The following TSNARE1 variants were observed in gnomAD, a reference collection of about 807,000 sequenced individuals.
The protein encoded by TSNARE1 is t-SNARE domain-containing protein 1.
In TSNARE1, 49 loss-of-function variants were observed where a neutral mutation model predicts 62.0. The ratio of observed to expected loss-of-function variants is 0.79; its 90% confidence interval spans 0.63 to 1.00. The LOEUF is 1.00. TSNARE1 is among the 50% of genes least tolerant of loss of function. The pLI is 0.00. For missense variants in TSNARE1, 755 were observed against 700.1 expected (o/e 1.08, Z -0.88); for synonymous variants, 328 against 294.4 (o/e 1.11, Z -1.17).
rs139766828 is a variant in TSNARE1 at position 142,243,634 on chromosome 8, G to T, written c.1447-14055C>A. Among the ~76,000 whole-genome samples the T allele has an allele frequency of 3.3e-4, 50 of 152,220 alleles. 1 individual carries two copies. Among genetic ancestry groups the T allele is most frequent in the African/African-American group, 8.9e-4 (37 of 41,536 alleles). ...GGAGGTGGGGAGATCTGGGTTAAAC[G>T]GTACAAGGTTTCAATCAGACAAGAG... On this transcript the variant is annotated intron_variant, in intron 12 of 13. Transcript: ENST00000524325.
rs1563756715 is a variant in TSNARE1, at chr8:142,223,105, C to CGT, written c.*11+6367_*11+6368insAC. Among the ~76,000 whole-genome samples, 61 of 136,882 alleles carry CGT rather than the reference C, an allele frequency of 4.5e-4. 1 individual carries two copies. Among genetic ancestry groups the CGT allele is most frequent in the African/African-American group, 1.7e-3 (57 of 33,898 alleles). 89.8% of individuals were successfully genotyped at this position (136,882 alleles called of 152,430 possible). On this transcript the variant is annotated intron_variant, in intron 13 of 13. Transcript: ENST00000524325. ...ATTCACTCATTCATCCACTCATTCA[C>CGT]TCACTCGTTCACTCATTCACTCATT...
intron 12 of TSNARE1, among the ~76,000 whole-genome samples, chr8:142,237,433 C>A (rs1271309069): frequency 6.6e-6 from 1 of 152,192 alleles, no homozygotes; most frequent in Non-Finnish European, 1.5e-5. Context: ...AGCCACAGGG[C>A]CTTTCATGGC....
At chr8:142,311,130 G>T (rs1281096332) in intron 9 of TSNARE1, among the ~76,000 whole-genome samples, 1 of 148,850 alleles carries the variant, frequency 6.7e-6, no homozygotes, top group Non-Finnish European at 1.5e-5. Context: ...GATTACAGGC[G>T]TGAGCCACTG....
intron 2 of TSNARE1, among the ~76,000 whole-genome samples, chr8:142,352,660 AAGC>A (rs1834255539): frequency 6.6e-6 from 1 of 152,272 alleles, no homozygotes; most frequent in African/African-American, 2.4e-5. Flanking sequence ...CGATGCGTAA[AAGC>A]AGCACGACAC....
At chr8:142,294,149 C>T (rs542600583) in intron 10 of TSNARE1, among the ~76,000 whole-genome samples, 2 of 152,022 alleles carry the variant, frequency 1.3e-5, no homozygotes, top group Admixed American at 1.3e-4. Flanking sequence ...TCAGAGGATG[C>T]AGAGTGGCCA....
At chr8:142,398,645 G>C (rs1288416807) in intron 1 of TSNARE1, among the ~76,000 whole-genome samples, 1 of 152,182 alleles carries the variant, frequency 6.6e-6, no homozygotes, top group African/African-American at 2.4e-5. Context: ...AGGACAGCCT[G>C]ATCCTGCTTG....
At chr8:142,254,213 G>A (rs1818317094) in intron 12 of TSNARE1, among the ~76,000 whole-genome samples, 1 of 152,190 alleles carries the variant, frequency 6.6e-6, no homozygotes, top group Non-Finnish European at 1.5e-5. Context: ...AGGAGGCAGG[G>A]TACAGCCAAC....
intron 12 of TSNARE1, among the ~76,000 whole-genome samples, chr8:142,237,954 T>C (rs1430595770): frequency 6.6e-6 from 1 of 152,066 alleles, no homozygotes; most frequent in Non-Finnish European, 1.5e-5. Context: ...TACCTCCCGT[T>C]TCCCTGCTGG....
At chr8:142,256,966 A>T (rs1818617878) in intron 12 of TSNARE1, among the ~76,000 whole-genome samples, 3 of 152,172 alleles carry the variant, frequency 2.0e-5, no homozygotes, top group Non-Finnish European at 4.4e-5. Context: ...GAGGGAAAAC[A>T]GGCTCATTTG....
chr8:142,213,547 G>A (rs7464819), intron 13 of TSNARE1, among the ~76,000 whole-genome samples: 52,035 of 152,048 alleles, frequency 0.34, 9,371 homozygotes, highest in East Asian at 0.57. Context: ...TTGCCTGGCC[G>A]TGGGCAGAGG....
intron 2 of TSNARE1, among the ~76,000 whole-genome samples, chr8:142,352,899 C>A (rs924792616): frequency 6.6e-6 from 1 of 152,190 alleles, no homozygotes; most frequent in Non-Finnish European, 1.5e-5. Context: ...TGTGTCTACA[C>A]CCCACGCACA....
chr8:142,229,903 C>T (rs549311980), intron 12 of TSNARE1, among the ~76,000 whole-genome samples: 1 of 152,146 alleles, frequency 6.6e-6, no homozygotes. Context: ...TGTTTCTCTT[C>T]TTGGTACCTT....
At chr8:142,393,169 C>T (rs954410870) in intron 1 of TSNARE1, among the ~76,000 whole-genome samples, 4 of 152,216 alleles carry the variant, frequency 2.6e-5, no homozygotes, top group African/African-American at 4.8e-5. Context: ...GAAGAAACCA[C>T]TCCTGGCCCC....
intron 12 of TSNARE1, among the ~76,000 whole-genome samples, chr8:142,230,962 A>ACCAT (rs56309313): frequency 6.8e-6 from 1 of 146,866 alleles, no homozygotes; most frequent in Admixed American, 6.7e-5. Context: ...CCATCATCCA[A>ACCAT]CCATCCATCC....
intron 12 of TSNARE1, chr8:142,271,681 C>G (rs368676232): frequency 7.2e-7 from 1 of 1,379,354 alleles, no homozygotes. Context: ...GGGTCTCGTC[C>G]TCCTCATCAG....
chr8:142,274,749 G>A (rs765196711), intron 12 of TSNARE1, 32 bp downstream of exon 12: 38 of 1,477,750 alleles, frequency 2.6e-5, no homozygotes, highest in East Asian at 2.7e-5. Context: ...AGGCCGGGCC[G>A]GCCGGGCACT....
At chr8:142,242,689 C>T (rs980073411) in intron 12 of TSNARE1, among the ~76,000 whole-genome samples, 9 of 152,270 alleles carry the variant, frequency 5.9e-5, no homozygotes, top group South Asian at 2.1e-4. Context: ...GGGCCGGGCA[C>T]GGTGGTTCAT....
intron 10 of TSNARE1, among the ~76,000 whole-genome samples, chr8:142,298,958 T>G (rs929524514): frequency 5.9e-5 from 9 of 152,128 alleles, no homozygotes; most frequent in Non-Finnish European, 1.0e-4. Context: ...GTGCTTCGGG[T>G]GGTTCTCTGG....
intron 1 of TSNARE1, among the ~76,000 whole-genome samples, chr8:142,393,302 G>C (rs1467392975): frequency 1.3e-5 from 2 of 152,202 alleles, no homozygotes; most frequent in Non-Finnish European, 2.9e-5. Context: ...GAGATGGAGA[G>C]CAGACTGGTG....
Sources: allele counts gnomAD v4.1 joint callset (sites outside exome capture counted in the v4.1 genomes callset), GRCh38; gene constraint gnomAD v4.1.1; transcripts MANE v1.5; gene names NCBI Gene and HGNC (gene_info 2026-07-23, HGNC 2026-07-21).